FER1L6: variants seen among roughly 807,000 people sequenced by gnomAD.
FER1L6 encodes the protein fer-1 like family member 6, also known as fer-1-like protein 6.
Under a neutral mutation model 219.2 loss-of-function variants are expected in FER1L6, and 177 were observed. The observed-to-expected ratio is 0.81, with a 90% confidence interval of 0.71 to 0.91. The LOEUF (loss-of-function observed/expected upper bound fraction) is 0.91. FER1L6 is among the 40% of genes least tolerant of loss of function. The pLI, the probability that FER1L6 is intolerant of heterozygous loss-of-function variation, is 0.00. For missense variants in FER1L6, 2,153 were observed against 2,259.9 expected (o/e 0.95, Z 0.96); for synonymous variants, 768 against 824.3 (o/e 0.93, Z 1.17).
At chr8:124,105,642 T>A (rs1822736392) in intron 39 of FER1L6, among the ~76,000 whole-genome samples, 1 of 152,190 alleles carries the variant, frequency 6.6e-6, no homozygotes, top group Admixed American at 6.5e-5. Context: ...GCCACAAAGA[T>A]GTGCCCATTG....
rs934581886 is a variant in FER1L6 at position 123,864,209 on chromosome 8, A to G, written c.-8+12024A>G. On this transcript the variant is annotated intron_variant, in intron 1 of 40. Transcript: ENST00000522917. ...AAAATCTCAGCATTTGCTTGTTTGT[A>G]AAGTATTTTATTTCTCCTTCACTTA... is the stretch of plus-strand genomic sequence containing the variant. 9.3e-4 allele frequency among the ~76,000 whole-genome samples: 140 copies of G among 150,792 alleles called. 1 individual carries two copies. The highest frequency in any genetic ancestry group is 1.4e-3 in the Non-Finnish European group (95 of 67,986).
chr8:124,061,973 G>A lies in FER1L6; in HGVS notation c.3269G>A (p.Cys1090Tyr). ...ATCAACTACTTGAAGCAGTTTTTGT[G>A]TAAACTCAGAGAGCCCCTTGCCCCC... ...YTINYLKQFL[C>Y]KLREPLAPIT... The change falls in exon 25 of 41, where the codon TGT (cysteine) becomes TAT (tyrosine). Residue 1090 changes from cysteine to tyrosine, a missense_variant. Transcript: ENST00000522917. 2 of 1,614,210 alleles carry A rather than the reference G, an allele frequency of 1.2e-6. No individual in the cohort carries two copies. Among genetic ancestry groups the A allele is most frequent in the Non-Finnish European group, 1.7e-6 (2 of 1,180,024 alleles).
intron 1 of FER1L6, among the ~76,000 whole-genome samples, chr8:123,857,708 C>T (rs1816672639): frequency 6.6e-6 from 1 of 152,044 alleles, no homozygotes; most frequent in African/African-American, 2.4e-5. Flanking sequence ...AAGTGGGTAC[C>T]AGCAGCAGTG....
intron 1 of FER1L6, among the ~76,000 whole-genome samples, chr8:123,934,685 A>G (rs574740509): frequency 6.6e-6 from 1 of 152,014 alleles, no homozygotes; most frequent in Non-Finnish European, 1.5e-5. Context: ...CCTTTCATCT[A>G]ATGGTTTTAG....
intron 1 of FER1L6, among the ~76,000 whole-genome samples, chr8:123,901,967 C>T (rs1256488142): frequency 1.3e-5 from 2 of 152,154 alleles, no homozygotes; most frequent in Admixed American, 1.3e-4. Flanking sequence ...TTATCCCCCA[C>T]CTCAGCCTCC....
intron 2 of FER1L6, among the ~76,000 whole-genome samples, chr8:123,960,526 G>A (rs1196738192): frequency 1.3e-5 from 2 of 152,164 alleles, no homozygotes; most frequent in African/African-American, 2.4e-5. Context: ...AGACTAGTGT[G>A]TCACAAACTA....
At chr8:124,055,394 T>C (rs1023411272) in intron 22 of FER1L6, among the ~76,000 whole-genome samples, 2 of 152,118 alleles carry the variant, frequency 1.3e-5, no homozygotes, top group Non-Finnish European at 2.9e-5. Flanking sequence ...AATGCATCTG[T>C]TTACTCATTC....
Position 123,985,767 on chromosome 8 carries a change from C to G in FER1L6, c.1411-301C>G, listed in dbSNP as rs16899177. 1,493 of 238,094 alleles carry G rather than the reference C, an allele frequency of 6.3e-3. 24 individuals carry two copies. Among genetic ancestry groups the G allele is most frequent in the African/African-American group, 0.032 (1,384 of 43,934 alleles). 14.7% of individuals were successfully genotyped at this position (238,094 alleles called of 1,614,324 possible). A position where few individuals can be genotyped will look rare whatever the true frequency, so the allele number is the denominator to read the frequency against. ...TAATTCCAAACCCGTGTTTCACCAG[C>G]AGCATCCTAGAAAGATACGCACACC... On this transcript the variant is annotated intron_variant, in intron 11 of 40. Transcript: ENST00000522917.
intron 18 of FER1L6, among the ~76,000 whole-genome samples, chr8:124,030,837 G>A (rs1471369597): frequency 6.6e-6 from 1 of 152,084 alleles, no homozygotes; most frequent in Non-Finnish European, 1.5e-5. Flanking sequence ...GTTCATGTGA[G>A]TTACTACCTC....
At chr8:123,963,462 C>G in intron 3 of FER1L6, 64 bp downstream of exon 3, 9 of 1,545,448 alleles carry the variant, frequency 5.8e-6, no homozygotes, top group South Asian at 1.1e-5. Flanking sequence ...CCAAGCACCT[C>G]TACAGGTGCT....
intron 12 of FER1L6, among the ~76,000 whole-genome samples, chr8:123,996,479 T>C (rs1310509577): frequency 6.6e-6 from 1 of 152,174 alleles, no homozygotes; most frequent in Non-Finnish European, 1.5e-5. Context: ...TCCATTTACA[T>C]GGAATATCCT....
rs747207408 is a variant in FER1L6 at position 124,076,187 on chromosome 8, T to A, written c.4093-11T>A. On this transcript the variant is annotated splice_polypyrimidine_tract_variant and intron_variant, in intron 31 of 40. Transcript: ENST00000522917. Reference sequence around the variant, plus strand: ...CTATTGAACCAAAGACATTTTCTTTTTCCTTTCCAGGCATTTAATCTTAGT... The same window carrying A: ...CTATTGAACCAAAGACATTTTCTTTATCCTTTCCAGGCATTTAATCTTAGT... 1.2e-6 allele frequency: 2 copies of A among 1,613,742 alleles called. No homozygotes were observed. Among genetic ancestry groups the A allele is most frequent in the Admixed American group, 3.3e-5 (2 of 60,008 alleles).
chr8:123,969,867 C>CA (rs369712009), intron 5 of FER1L6, among the ~76,000 whole-genome samples, 168 bp from the exon 6 acceptor site: 1,451 of 71,894 alleles, frequency 0.02, 16 homozygotes, highest in South Asian at 0.032. Flanking sequence ...ACCCTGTCTC[C>CA]AAAAAAAAAA....
chr8:124,064,716 G>A (rs1820749966), intron 26 of FER1L6, 143 bp downstream of exon 26: 8 of 743,498 alleles, frequency 1.1e-5, no homozygotes, highest in Non-Finnish European at 1.6e-5. Flanking sequence ...TGTAAAATGA[G>A]GATACTGTTA....
At position 123,967,657 on chromosome 8, in the gene FER1L6, T is replaced by C. The variant is rs533748527; in HGVS notation, c.384+1367T>C. On this transcript the variant is annotated intron_variant, in intron 5 of 40. Coordinates refer to ENST00000522917, the MANE Select transcript of FER1L6 (RefSeq NM_001039112.2). ...AATTATTTCAAAAAATTCAGGGCAC[T>C]CTTAATTCTTATTATCTTGGCCAGA... Among the ~76,000 whole-genome samples, 4 of 152,326 alleles carry C rather than the reference T, an allele frequency of 2.6e-5. No homozygotes were observed. In the South Asian group the frequency reaches 8.3e-4, roughly 32 times the overall value.
intron 39 of FER1L6, among the ~76,000 whole-genome samples, chr8:124,117,447 C>T (rs1293598014): frequency 1.3e-5 from 2 of 152,158 alleles, no homozygotes; most frequent in Admixed American, 6.5e-5. Flanking sequence ...TTCTGAATGC[C>T]TATATGTGCA....
chr8:123,924,790 C>G (rs1321033492), intron 1 of FER1L6: 1 of 152,138 alleles, frequency 6.6e-6, no homozygotes, highest in African/African-American at 2.4e-5. Context: ...GTGCACTGAA[C>G]AAGAAAGGCT....
chr8:124,117,319 C>T (rs908922100), intron 39 of FER1L6, among the ~76,000 whole-genome samples: 6 of 152,114 alleles, frequency 3.9e-5, no homozygotes, highest in African/African-American at 7.2e-5. Context: ...GTGAGTGATC[C>T]GTAAAGCATT....
At chr8:123,979,344 C>T (rs915635842) in intron 10 of FER1L6, among the ~76,000 whole-genome samples, 1 of 152,180 alleles carries the variant, frequency 6.6e-6, no homozygotes, top group Non-Finnish European at 1.5e-5. Flanking sequence ...CTCTGCCTGG[C>T]TGGCTCAGTG....
Sources: allele counts gnomAD v4.1 joint callset (sites outside exome capture counted in the v4.1 genomes callset), GRCh38; gene constraint gnomAD v4.1.1; transcripts MANE v1.5; gene names NCBI Gene and HGNC (gene_info 2026-07-23, HGNC 2026-07-21).